Variants in TUBB3 observed in about 807,000 individuals in gnomAD.
TUBB3 encodes the protein tubulin beta 3 class III, also known as tubulin beta-3 chain.
Under a neutral mutation model 37.8 loss-of-function variants are expected in TUBB3, and 17 were observed. The ratio of observed to expected loss-of-function variants is 0.45; its 90% CI spans 0.31 to 0.67. The LOEUF is 0.67. TUBB3 is among the 30% of genes least tolerant of loss of function. TUBB3 has a pLI of 0.07. For synonymous variants in TUBB3, 332 were observed against 278.9 expected (o/e 1.19, Z -1.90); for missense variants, 262 against 657.9 (o/e 0.40, Z 6.58).
chr16:89,935,113 C>T lies in TUBB3; in HGVS notation c.662C>T (p.Thr221Ile). The change falls in exon 4 of 4, where the codon ACC becomes ATC. Residue 221 changes from threonine to isoleucine, a missense_variant. Thr to Ile is a moderately conservative substitution (Grantham distance 89). Coordinates refer to ENST00000315491, the MANE Select transcript of TUBB3 (RefSeq NM_006086.4). ...CFRTLKLATP[T>I]YGDLNHLVSA... ...CGCACCCTCAAGCTGGCCACGCCCA[C>T]CTACGGGGACCTCAACCACCTGGTA... 6.2e-7 allele frequency: 1 copy of T among 1,614,176 alleles called. No homozygotes were observed. Among genetic ancestry groups the T allele is most frequent in the Non-Finnish European group, 8.5e-7 (1 of 1,180,026 alleles).
Position 89,932,673 on chromosome 16 carries a change from G to A in TUBB3, c.160G>A (p.Ala54Thr). 6.2e-7 allele frequency: 1 copy of A among 1,613,748 alleles called. No individual in the cohort carries two copies. Among genetic ancestry groups the A allele is most frequent in the Non-Finnish European group, 8.5e-7 (1 of 1,179,830 alleles). Reference sequence around the variant, plus strand: ...GCGGATCAGCGTCTACTACAACGAGGCCTCTTGTGAGTGCCTGCCCCAGCC... The same window carrying A: ...GCGGATCAGCGTCTACTACAACGAGACCTCTTGTGAGTGCCTGCCCCAGCC... ...LERISVYYNE[A>T]SSHKYVPRAI... is the part of the protein sequence containing the mutation. Residue 54 changes from alanine to threonine, a missense_variant, in exon 2 of 4, where the codon GCC (alanine) becomes ACC (threonine). Physicochemically the swap from Ala to Thr is moderately conservative, Grantham distance 58 (BLOSUM62 0). Around this residue, in one of 3 missense-constraint regions of TUBB3, gnomAD observed 58 missense variants for 74.2 expected, o/e 0.78. Coordinates refer to ENST00000315491, the MANE Select transcript of TUBB3 (RefSeq NM_006086.4).
chr16:89,932,295 G>T (rs1180404117), intron 1 of TUBB3, among the ~76,000 whole-genome samples: 1 of 152,266 alleles, frequency 6.6e-6, no homozygotes, highest in East Asian at 1.9e-4. Flanking sequence ...GCCAGCAGCT[G>T]CACAGCTGGG....
intron 2 of TUBB3, 48 bp from the exon 3 acceptor site, chr16:89,933,420 G>A (rs1470376578): frequency 7.1e-7 from 1 of 1,418,110 alleles, no homozygotes; most frequent in South Asian, 1.1e-5. Context: ...TGAGGGAGAG[G>A]CTCTGGCCCT....
At chr16:89,932,996 C>A (rs2030328495) in intron 2 of TUBB3, 1 of 504,696 alleles carries the variant, frequency 2.0e-6, no homozygotes, top group African/African-American at 1.9e-5. Context: ...AAGGGGTCAC[C>A]TGGAGGGCTT....
intron 1 of TUBB3, among the ~76,000 whole-genome samples, chr16:89,926,048 G>C (rs1030075486): frequency 5.3e-5 from 8 of 152,184 alleles, no homozygotes; most frequent in South Asian, 2.1e-4. Context: ...CACCCCGGGG[G>C]GGGCAGGGGC....
intron 1 of TUBB3, among the ~76,000 whole-genome samples, chr16:89,925,915 C>T (rs2030059831): frequency 6.6e-6 from 1 of 152,220 alleles, no homozygotes; most frequent in South Asian, 2.1e-4. Flanking sequence ...GACGACTCAC[C>T]GCGGTCACCC....
In TUBB3 at chr16:89,928,072, AT is replaced by A. The variant is rs35576759; in HGVS notation, c.58-4489del. Among the ~76,000 whole-genome samples the A allele has an allele frequency of 2.5e-4, 37 of 149,848 alleles. No individual in the cohort carries two copies. The South Asian group carries it at 6.1e-3, about 25-fold the overall frequency. On this transcript the variant is annotated intron_variant, in intron 1 of 3. Transcript: ENST00000315491. ...CCAAATGCCTCAGGGACCTTTCTGT[AT>A]TTTTTTTTTGAGACAGGCTCTTACT...
chr16:89,926,686 C>T (rs1597419846), intron 1 of TUBB3, among the ~76,000 whole-genome samples: 1 of 152,138 alleles, frequency 6.6e-6, no homozygotes, highest in Non-Finnish European at 1.5e-5. Flanking sequence ...GGACCGCAGG[C>T]GCTCACCACC....
intron 1 of TUBB3, among the ~76,000 whole-genome samples, chr16:89,929,471 A>G (rs767559843): frequency 5.3e-5 from 8 of 152,180 alleles, no homozygotes; most frequent in Non-Finnish European, 1.2e-4. Context: ...GTCCATGTCC[A>G]TGCTGTCCGC....
At chr16:89,922,027 C>G (rs545275348), upstream of TUBB3, 8 of 152,734 alleles carry the variant, frequency 5.2e-5, no homozygotes, top group African/African-American at 1.9e-4. Flanking sequence ...ACCCCGGACT[C>G]CCTTGAACAG....
intron 1 of TUBB3, among the ~76,000 whole-genome samples, chr16:89,923,680 C>T (rs1473030197): frequency 6.6e-6 from 1 of 152,212 alleles, no homozygotes; most frequent in Non-Finnish European, 1.5e-5. Flanking sequence ...CGAGGCGCAG[C>T]TCACGTCAGT....
intron 1 of TUBB3, among the ~76,000 whole-genome samples, chr16:89,927,877 T>C (rs75758429): frequency 0.023 from 3,500 of 152,300 alleles, 123 homozygotes; most frequent in African/African-American, 0.08. Context: ...CCACCCCTCC[T>C]TTACAGGGGC....
chr16:89,924,949 G>C (rs886373742), intron 1 of TUBB3, among the ~76,000 whole-genome samples: 4 of 151,782 alleles, frequency 2.6e-5, no homozygotes, highest in African/African-American at 9.7e-5. Context: ...TCGCTGGGGG[G>C]AGGGAGGGCA....
chr16:89,934,227 G>C (rs1030407266), intron 3 of TUBB3: 13 of 425,128 alleles, frequency 3.1e-5, no homozygotes, highest in Admixed American at 7.4e-5. Flanking sequence ...TCCTGGGGCG[G>C]GGCCGTGGAT....
intron 1 of TUBB3, among the ~76,000 whole-genome samples, chr16:89,926,767 G>T (rs985442146): frequency 6.6e-6 from 1 of 151,734 alleles, no homozygotes; most frequent in Non-Finnish European, 1.5e-5. Flanking sequence ...GCCCAGGCTG[G>T]AGTGCAGTGG....
intron 1 of TUBB3, among the ~76,000 whole-genome samples, chr16:89,926,106 G>GC (rs1452295974): frequency 6.6e-6 from 1 of 152,270 alleles, no homozygotes; most frequent in African/African-American, 2.4e-5. Context: ...ACAGGACGCT[G>GC]CCCCACTGCC....
chr16:89,924,070 C>T (rs1276097945), intron 1 of TUBB3, among the ~76,000 whole-genome samples: 3 of 152,212 alleles, frequency 2.0e-5, no homozygotes, highest in East Asian at 1.9e-4. Flanking sequence ...CGCAGCCGCT[C>T]CTGGGCAACC....
upstream of TUBB3, chr16:89,922,171 AAGAG>A (rs778920686): frequency 6.6e-6 from 1 of 152,442 alleles, no homozygotes. Context: ...CTTGAGAGAA[AAGAG>A]AGAGACAGGT....
rs2151092999 is a variant in TUBB3, at chr16:89,935,462, C to T, written c.1011C>T (p.Asn337=). The T allele has an allele frequency of 1.2e-6, 2 of 1,614,240 alleles. No individual in the cohort carries two copies. The highest frequency in any genetic ancestry group is 1.1e-5 in the South Asian group (1 of 91,086). ...AGATGCTGGCCATCCAGAGCAAGAA[C>T]AGCAGCTACTTCGTGGAGTGGATCC... is the stretch of plus-strand genomic sequence containing the variant. The part of the protein sequence containing the change: ...DEQMLAIQSK[N]SSYFVEWIPN... Residue 337 remains asparagine, a synonymous_variant, in exon 4 of 4, where the codon AAC becomes AAT. Transcript: ENST00000315491.
Sources: gnomAD v4.1 joint callset for allele counts (sites outside exome capture counted in the v4.1 genomes callset) on GRCh38, gnomAD v4.1.1 for gene constraint, gnomAD v4.1.1 regional missense constraint, MANE v1.5 for transcripts, NCBI Gene and HGNC (gene_info 2026-07-23, HGNC 2026-07-21) for gene names.